ZMYM2: variants seen among roughly 807,000 people sequenced by gnomAD.
ZMYM2 encodes zinc finger MYM-type containing 2, also known as zinc finger MYM-type protein 2.
A neutral mutation model predicts 162.8 loss-of-function variants in ZMYM2; 56 were observed. That is an observed-to-expected ratio of 0.34 (90% CI 0.28 to 0.43). The LOEUF (loss-of-function observed/expected upper bound fraction) is 0.43. Ranked by LOEUF, ZMYM2 falls within the 20% of genes least tolerant of loss-of-function variation. The pLI, the probability that ZMYM2 is intolerant of heterozygous loss-of-function variation, is 1.00. For synonymous variants in ZMYM2, 510 were observed against 541.6 expected, an observed-to-expected ratio of 0.94 and a Z score of 0.81; for missense variants, 1,275 against 1,621.8, an observed-to-expected ratio of 0.79 and a Z score of 3.67.
chr13:19,914,586 C>G, the ZMYM2 span, among the ~76,000 whole-genome samples: 3 of 152,218 alleles, frequency 2.0e-5, no homozygotes, highest in Non-Finnish European at 2.9e-5. Context: ...TTTGTTCTTA[C>G]TGGAATAGAC....
At chr13:20,032,185 A>G (rs1409716399) in intron 10 of ZMYM2, among the ~76,000 whole-genome samples, 1 of 152,120 alleles carries the variant, frequency 6.6e-6, no homozygotes, top group Non-Finnish European at 1.5e-5. Context: ...TTGTGTTTTA[A>G]TAAAACAATA....
At chr13:19,942,229 A>G in the ZMYM2 span, among the ~76,000 whole-genome samples, 1 of 152,024 alleles carries the variant, frequency 6.6e-6, no homozygotes, top group Non-Finnish European at 1.5e-5. Flanking sequence ...TTGAATTTTA[A>G]TTTATTACAT....
intron 2 of ZMYM2, among the ~76,000 whole-genome samples, chr13:19,965,818 G>T (rs1279713962): frequency 1.6e-5 from 2 of 123,360 alleles, no homozygotes; most frequent in Non-Finnish European, 3.2e-5. Context: ...GTGTTGCCTA[G>T]ACCAGAGTGC....
intron 2 of ZMYM2, among the ~76,000 whole-genome samples, chr13:19,967,719 G>T (rs1198446920): frequency 6.6e-6 from 1 of 152,190 alleles, no homozygotes; most frequent in African/African-American, 2.4e-5. Context: ...GTATGGTAAT[G>T]CCTGGTTTCC....
At chr13:20,078,897 A>G (rs1452517293) in intron 21 of ZMYM2, among the ~76,000 whole-genome samples, 2 of 152,070 alleles carry the variant, frequency 1.3e-5, no homozygotes, top group African/African-American at 4.8e-5. Context: ...ATCATTCAGT[A>G]CTGCTCTTTA....
chr13:20,012,490 A>C (rs1225050354), intron 6 of ZMYM2, among the ~76,000 whole-genome samples: 1 of 152,032 alleles, frequency 6.6e-6, no homozygotes, highest in African/African-American at 2.4e-5. Flanking sequence ...GGAAGTCTTA[A>C]ATTTTGATTT....
chr13:19,990,222 A>G (rs969861951), intron 2 of ZMYM2, among the ~76,000 whole-genome samples: 16 of 152,246 alleles, frequency 1.1e-4, no homozygotes, highest in African/African-American at 3.6e-4. Context: ...CCATGTGCCT[A>G]GAAAGTATCT....
intron 2 of ZMYM2, chr13:19,965,331 AT>A (rs746142928): frequency 9.5e-7 from 1 of 1,048,154 alleles, no homozygotes; most frequent in South Asian, 1.4e-5. Context: ...ACATTAAAAA[AT>A]GACTTCTCTT....
chr13:19,923,597 G>A, the ZMYM2 span, among the ~76,000 whole-genome samples: 3 of 147,066 alleles, frequency 2.0e-5, no homozygotes, highest in Non-Finnish European at 4.5e-5. Flanking sequence ...GGGCTTAAGC[G>A]ATCCTTACAC....
intron 9 of ZMYM2, 142 bp downstream of exon 9, chr13:20,027,460 A>T (rs927585377): frequency 3.3e-6 from 2 of 602,322 alleles, no homozygotes; most frequent in African/African-American, 3.8e-5. Flanking sequence ...TCCTAGTCAC[A>T]GAATATGTGG....
chr13:19,907,291 C>G, the ZMYM2 span, among the ~76,000 whole-genome samples: 2 of 151,792 alleles, frequency 1.3e-5, no homozygotes, highest in African/African-American at 2.4e-5. Context: ...AATCTTTTAT[C>G]CGGACAATAA....
the ZMYM2 span, among the ~76,000 whole-genome samples, chr13:19,904,989 T>G: frequency 1.3e-5 from 2 of 151,988 alleles, no homozygotes; most frequent in Admixed American, 1.3e-4. Flanking sequence ...AAATATCCAT[T>G]TGAGTTCTTG....
At chr13:19,876,541 C>T in the ZMYM2 span, among the ~76,000 whole-genome samples, 4 of 151,650 alleles carry the variant, frequency 2.6e-5, no homozygotes, top group Admixed American at 6.6e-5. Context: ...CAGGCTGGTC[C>T]CAGACTCCTG....
intron 1 of ZMYM2, among the ~76,000 whole-genome samples, chr13:19,959,649 C>G (rs1225340429): frequency 6.6e-6 from 1 of 152,136 alleles, no homozygotes; most frequent in African/African-American, 2.4e-5. Flanking sequence ...GAATACAAAT[C>G]CCTTGCTGGC....
the ZMYM2 span, among the ~76,000 whole-genome samples, chr13:19,897,831 G>A: frequency 6.6e-6 from 1 of 151,830 alleles, no homozygotes; most frequent in East Asian, 1.9e-4. Context: ...TATATGCATC[G>A]AACATCAGAC....
Position 19,998,245 on chromosome 13 carries a change from T to A in ZMYM2, c.847+4326T>A, listed in dbSNP as rs189679080. On this transcript the variant is annotated intron_variant, in intron 3 of 24. Transcript: ENST00000610343. ...GAAATCCCTTGTATGAAATTGAAGG[T>A]TTAGACAAAATGATTAGGCCTTTTC... Among the ~76,000 whole-genome samples, 170 of 152,314 alleles carry A rather than the reference T, an allele frequency of 1.1e-3. 1 individual carries two copies. The Middle Eastern group carries it at 0.017, about 15-fold the overall frequency.
chr13:19,986,482 G>A (rs1949151853), intron 2 of ZMYM2, among the ~76,000 whole-genome samples: 2 of 152,088 alleles, frequency 1.3e-5, no homozygotes, highest in South Asian at 4.2e-4. Flanking sequence ...CTCTAAGGCA[G>A]TTCCTTAATA....
At chr13:19,878,475 C>T in the ZMYM2 span, among the ~76,000 whole-genome samples, 1 of 148,962 alleles carries the variant, frequency 6.7e-6, no homozygotes, top group African/African-American at 2.5e-5. Context: ...TACTGGCATT[C>T]ATGTATCTTG....
At chr13:20,006,338 A>T (rs1463728152) in intron 5 of ZMYM2, 36 bp from the exon 6 acceptor site, 2 of 1,524,742 alleles carry the variant, frequency 1.3e-6, no homozygotes, top group Non-Finnish European at 1.8e-6. Context: ...TGTCAGATTG[A>T]TCTGTTTTGT....
Sources: allele counts gnomAD v4.1 joint callset (sites outside exome capture counted in the v4.1 genomes callset), GRCh38; gene constraint gnomAD v4.1.1; transcripts MANE v1.5; gene names NCBI Gene and HGNC (gene_info 2026-07-23, HGNC 2026-07-21).